Variants in PBLD observed in about 807,000 individuals in gnomAD.
The protein encoded by PBLD is phenazine biosynthesis-like domain-containing protein.
In PBLD, 26 loss-of-function variants were observed where a neutral mutation model predicts 31.3. The ratio of observed to expected loss-of-function variants is 0.83; its 90% CI spans 0.61 to 1.15. The LOEUF (loss-of-function observed/expected upper bound fraction) is 1.15, where lower values mean the gene tolerates loss of function less well. PBLD is among the 50% of genes most tolerant of loss of function. The pLI is 0.00. For synonymous variants in PBLD, 114 were observed against 129.0 expected (o/e 0.88, Z 0.79); for missense variants, 307 against 351.7 (o/e 0.87, Z 1.02).
chr10:68,286,245 G>T (rs140967641), intron 8 of PBLD, among the ~76,000 whole-genome samples: 6,246 of 151,870 alleles, frequency 0.041, 161 homozygotes, highest in Non-Finnish European at 0.045. Flanking sequence ...GAGCCACCAG[G>T]CCCAGCTAAT....
chr10:68,307,607 C>T (rs985432448), intron 1 of PBLD, among the ~76,000 whole-genome samples: 7 of 151,968 alleles, frequency 4.6e-5, no homozygotes, highest in Non-Finnish European at 1.0e-4. Flanking sequence ...TCACGCAATT[C>T]TCCTGCCTCA....
chr10:68,298,986 A>G (rs893481058), intron 2 of PBLD, among the ~76,000 whole-genome samples: 6 of 151,712 alleles, frequency 4.0e-5, no homozygotes, highest in African/African-American at 1.5e-4. Context: ...ACGCGCCTGT[A>G]ATCCCAGCTA....
chr10:68,327,201 A>G (rs2044935737), intron 1 of PBLD, among the ~76,000 whole-genome samples: 2 of 152,312 alleles, frequency 1.3e-5, no homozygotes, highest in South Asian at 2.1e-4. Flanking sequence ...ACTTTGAAAC[A>G]CTACTTTATC....
At chr10:68,296,121 G>C in intron 4 of PBLD, 145 bp downstream of exon 4, 1 of 559,974 alleles carries the variant, frequency 1.8e-6, no homozygotes, top group Non-Finnish European at 3.1e-6. Flanking sequence ...CGCTGGTTTT[G>C]TTTCTGCATT....
At chr10:68,294,478 G>A (rs533456526) in intron 4 of PBLD, among the ~76,000 whole-genome samples, 1 of 152,316 alleles carries the variant, frequency 6.6e-6, no homozygotes, top group African/African-American at 2.4e-5. Flanking sequence ...GTGGCCAACA[G>A]CTCTCAACTG....
chr10:68,318,524 T>TTA (rs1303285937), intron 1 of PBLD, among the ~76,000 whole-genome samples: 18 of 139,508 alleles, frequency 1.3e-4, no homozygotes, highest in Admixed American at 1.1e-3. Flanking sequence ...CTGTCTCTTT[T>TTA]AAAAAAAAAA....
Position 68,292,283 on chromosome 10 carries a change from A to C in PBLD, c.284-45T>G, listed in dbSNP as rs771462061. On this transcript the variant is annotated intron_variant, in intron 4 of 9. Transcript: ENST00000358769. ...AGAAATAGGAAATAAACTTTGTCAT[A>C]TATGCGCATGTCCATTTCAAACACC... is the stretch of plus-strand genomic sequence containing the variant. 2.7e-5 allele frequency: 40 copies of C among 1,487,550 alleles called. No homozygotes were observed. In the South Asian group the frequency reaches 3.6e-4, roughly 13 times the overall value. The allele number at this position is 1,487,550 out of a possible 1,614,324, so 92.1% of individuals were successfully genotyped here.
At chr10:68,329,230 A>T (rs2044973466) in intron 1 of PBLD, among the ~76,000 whole-genome samples, 3 of 152,228 alleles carry the variant, frequency 2.0e-5, no homozygotes, top group Admixed American at 2.0e-4. Context: ...ATAAAAAGGC[A>T]AAAGGAATGT....
chr10:68,321,554 A>C (rs570216569), intron 1 of PBLD, among the ~76,000 whole-genome samples: 1 of 152,354 alleles, frequency 6.6e-6, no homozygotes, highest in Admixed American at 6.5e-5. Flanking sequence ...ATAGGAAAGG[A>C]AATTTGGGAA....
chr10:68,319,027 G>C (rs1231993384), intron 1 of PBLD, among the ~76,000 whole-genome samples: 2 of 130,688 alleles, frequency 1.5e-5, no homozygotes, highest in Non-Finnish European at 3.2e-5. Context: ...GAGAGGGAGA[G>C]AGAAGGAAAG....
chr10:68,283,695 TCTGGAAGCA>T lies in PBLD; in HGVS notation c.*473_*481del, dbSNP rs1426063230. The T allele has an allele frequency of 6.5e-6, 1 of 154,430 alleles. No individual in the cohort carries two copies. The highest frequency in any genetic ancestry group is 2.4e-5 in the African/African-American group (1 of 41,458). 9.6% of individuals were successfully genotyped at this position (154,430 alleles called of 1,614,324 possible). ...AGCCAAAACTCCATTAGTTCATTAG[TCTGGAAGCA>T]CTATTAAATCTCCATTAAAATGTCT... On this transcript the variant is annotated 3_prime_UTR_variant, in exon 10 of 10. Coordinates refer to ENST00000358769, the MANE Select transcript of PBLD (RefSeq NM_022129.4).
intron 3 of PBLD, 94 bp downstream of exon 3, chr10:68,296,792 G>A (rs916545477): frequency 1.4e-5 from 15 of 1,101,686 alleles, no homozygotes; most frequent in Admixed American, 5.6e-5. Flanking sequence ...TTGCTTGAAC[G>A]CAGGAGGCGG....
In PBLD at chr10:68,292,219, G is replaced by C; in HGVS notation, c.303C>G (p.Leu101=). 1 of 1,613,568 alleles carries C rather than the reference G, an allele frequency of 6.2e-7. No homozygotes were observed. Among genetic ancestry groups the C allele is most frequent in the Non-Finnish European group, 8.5e-7 (1 of 1,180,014 alleles). Reference sequence around the variant, plus strand: ...GTTCTCCACTCAGAGTGACAAACGTGAGCGTGCTATTCATGTTTTCTGGCC... The same window carrying C: ...GTTCTCCACTCAGAGTGACAAACGTCAGCGTGCTATTCATGTTTTCTGGCC... ...FHKIKNMNST[L]TFVTLSGELR... Residue 101 remains leucine (L), a synonymous_variant, in exon 5 of 10, where the codon CTC becomes CTG. Coordinates refer to ENST00000358769, the MANE Select transcript of PBLD (RefSeq NM_022129.4).
intron 1 of PBLD, chr10:68,331,873 T>C (rs995753295): frequency 6.6e-6 from 1 of 152,298 alleles, no homozygotes; most frequent in Non-Finnish European, 1.5e-5. Flanking sequence ...TGCAGCTCTT[T>C]AACTGGAACA....
intron 2 of PBLD, among the ~76,000 whole-genome samples, chr10:68,304,961 A>G (rs1003926004): frequency 6.6e-6 from 1 of 152,246 alleles, no homozygotes; most frequent in Non-Finnish European, 1.5e-5. Context: ...AGAAAATACC[A>G]GCTCAAGTCT....
At chr10:68,285,445 A>G in intron 8 of PBLD, 35 bp from the exon 9 acceptor site, 1 of 1,562,196 alleles carries the variant, frequency 6.4e-7, no homozygotes, top group South Asian at 1.2e-5. Flanking sequence ...GACAATCCCC[A>G]AGAAAACAGA....
chr10:68,327,162 C>T (rs942464180), intron 1 of PBLD, among the ~76,000 whole-genome samples: 8 of 152,144 alleles, frequency 5.3e-5, no homozygotes, highest in Non-Finnish European at 1.0e-4. Flanking sequence ...GAAGTCAAGT[C>T]TAAGTTTTGC....
At chr10:68,317,145 T>A (rs1476571279) in intron 1 of PBLD, among the ~76,000 whole-genome samples, 2 of 152,210 alleles carry the variant, frequency 1.3e-5, no homozygotes, top group East Asian at 3.8e-4. Flanking sequence ...AGTAAAATGA[T>A]ATACTCAAAG....
intron 1 of PBLD, among the ~76,000 whole-genome samples, chr10:68,307,379 T>C (rs1432890261): frequency 6.6e-6 from 1 of 152,214 alleles, no homozygotes; most frequent in Non-Finnish European, 1.5e-5. Context: ...TTTAAAATAC[T>C]GGCTAAATTG....
Sources: allele counts gnomAD v4.1 joint callset (sites outside exome capture counted in the v4.1 genomes callset), GRCh38; gene constraint gnomAD v4.1.1; transcripts MANE v1.5; gene names NCBI Gene and HGNC (gene_info 2026-07-23, HGNC 2026-07-21).